Variants in PARD3B observed in about 807,000 individuals in gnomAD.
The protein encoded by PARD3B is par-3 family cell polarity regulator beta.
A neutral mutation model predicts 130.2 loss-of-function variants in PARD3B; 103 were observed. The observed-to-expected ratio is 0.79, with a 90% CI of 0.67 to 0.93. The LOEUF (loss-of-function observed/expected upper bound fraction) is 0.93. Among genes scored for constraint, PARD3B ranks in the 40% least tolerant of loss-of-function variants. The probability of loss-of-function intolerance (pLI) is 0.00; values close to 1 mark genes in which losing one functional copy is unlikely to be tolerated. For synonymous variants in PARD3B, 583 were observed against 553.2 expected (o/e 1.05, Z -0.76); for missense variants, 1,609 against 1,499.2 (o/e 1.07, Z -1.21).
At chr2:204,701,646 T>C (rs2037897133) in intron 2 of PARD3B, among the ~76,000 whole-genome samples, 1 of 152,224 alleles carries the variant, frequency 6.6e-6, no homozygotes, top group African/African-American at 2.4e-5. Flanking sequence ...ATTAATGCCG[T>C]AGAATTCTGG....
At chr2:204,760,109 T>C (rs1012204564) in intron 2 of PARD3B, among the ~76,000 whole-genome samples, 8 of 152,080 alleles carry the variant, frequency 5.3e-5, no homozygotes, top group Non-Finnish European at 1.0e-4. Context: ...ACAGGCATTA[T>C]ATGTTTTTTA....
chr2:204,564,204 G>A (rs1247075489), intron 1 of PARD3B, among the ~76,000 whole-genome samples: 1 of 152,138 alleles, frequency 6.6e-6, no homozygotes, highest in Non-Finnish European at 1.5e-5. Context: ...TGTCCCCCAC[G>A]TAGCTCAGTT....
chr2:205,378,659 G>A (rs1438126387), intron 18 of PARD3B, among the ~76,000 whole-genome samples: 2 of 145,610 alleles, frequency 1.4e-5, no homozygotes, highest in African/African-American at 5.2e-5. Context: ...TTGAGACAGA[G>A]TTTCACTCAG....
At chr2:205,037,609 T>C (rs1182170189) in intron 3 of PARD3B, among the ~76,000 whole-genome samples, 1 of 148,458 alleles carries the variant, frequency 6.7e-6, no homozygotes, top group East Asian at 1.9e-4. Context: ...ATATTTTATA[T>C]ATATTTTATA....
At chr2:204,713,304 T>C (rs771344460) in intron 2 of PARD3B, among the ~76,000 whole-genome samples, 32 of 151,942 alleles carry the variant, frequency 2.1e-4, no homozygotes, top group Non-Finnish European at 4.0e-4. Context: ...AGTGTGCCAG[T>C]GTGAATGTTC....
chr2:204,592,690 G>A (rs2033127416), intron 1 of PARD3B, among the ~76,000 whole-genome samples: 1 of 152,198 alleles, frequency 6.6e-6, no homozygotes, highest in East Asian at 1.9e-4. Flanking sequence ...TATATTCTCA[G>A]AGTATTTGCA....
chr2:205,257,619 C>A (rs532719046), intron 16 of PARD3B, among the ~76,000 whole-genome samples: 56 of 152,184 alleles, frequency 3.7e-4, no homozygotes, highest in African/African-American at 1.3e-3. Flanking sequence ...AATTAATGTA[C>A]ATTAGTAAAA....
At chr2:205,314,613 A>AAG (rs1370560290) in intron 18 of PARD3B, among the ~76,000 whole-genome samples, 9 of 152,234 alleles carry the variant, frequency 5.9e-5, no homozygotes, top group Non-Finnish European at 1.2e-4. Flanking sequence ...AAAAGCAGAT[A>AAG]AGAGATACAT....
chr2:205,238,140 G>A (rs2039152433), intron 15 of PARD3B, among the ~76,000 whole-genome samples: 1 of 152,164 alleles, frequency 6.6e-6, no homozygotes, highest in South Asian at 2.1e-4. Context: ...TACCTGAGCG[G>A]TGCTAGACGT....
intron 18 of PARD3B, among the ~76,000 whole-genome samples, chr2:205,398,737 CT>C (rs2046128232): frequency 6.6e-6 from 1 of 152,224 alleles, no homozygotes; most frequent in African/African-American, 2.4e-5. Context: ...ACATCCTCTA[CT>C]ATGGGTCAAA....
chr2:205,212,010 G>C (rs1358664719), intron 15 of PARD3B, among the ~76,000 whole-genome samples: 1 of 152,194 alleles, frequency 6.6e-6, no homozygotes. Flanking sequence ...AGTTCCATTA[G>C]AATTTTTTTA....
chr2:204,648,633 T>A (rs1344346336), intron 1 of PARD3B, among the ~76,000 whole-genome samples: 6 of 119,044 alleles, frequency 5.0e-5, no homozygotes, highest in African/African-American at 1.6e-4. Flanking sequence ...AATTTATATA[T>A]AATATATATT....
At chr2:204,869,190 G>A (rs1056608115) in intron 2 of PARD3B, among the ~76,000 whole-genome samples, 3 of 152,132 alleles carry the variant, frequency 2.0e-5, no homozygotes, top group African/African-American at 7.2e-5. Flanking sequence ...AGCCCTATTA[G>A]GGATGGGTCT....
chr2:204,616,102 T>G (rs973859449), intron 1 of PARD3B, among the ~76,000 whole-genome samples: 4 of 152,120 alleles, frequency 2.6e-5, no homozygotes, highest in African/African-American at 9.7e-5. Flanking sequence ...CACAGTACAT[T>G]AAAGAAATAA....
chr2:205,374,743 T>C (rs2044972519), intron 18 of PARD3B, among the ~76,000 whole-genome samples: 1 of 152,134 alleles, frequency 6.6e-6, no homozygotes, highest in Admixed American at 6.6e-5. Context: ...GTCTTTAGTA[T>C]GACAGAGTTT....
chr2:205,206,701 G>A (rs1295460710), intron 15 of PARD3B, among the ~76,000 whole-genome samples: 1 of 151,992 alleles, frequency 6.6e-6, no homozygotes, highest in Non-Finnish European at 1.5e-5. Context: ...CTTTATAGCA[G>A]CATGCTTTAT....
chr2:204,615,332 C>T (rs1237465030), intron 1 of PARD3B, among the ~76,000 whole-genome samples: 1 of 152,114 alleles, frequency 6.6e-6, no homozygotes, highest in Non-Finnish European at 1.5e-5. Context: ...ACATTAAAAT[C>T]CATTTGTCTG....
intron 2 of PARD3B, among the ~76,000 whole-genome samples, chr2:204,716,462 C>T (rs979250546): frequency 6.6e-6 from 1 of 151,850 alleles, no homozygotes; most frequent in Non-Finnish European, 1.5e-5. Context: ...GATTTTAATC[C>T]GTTAGACAAG....
At chr2:205,050,723 T>C (rs2125420918) in intron 4 of PARD3B, among the ~76,000 whole-genome samples, 1 of 152,176 alleles carries the variant, frequency 6.6e-6, no homozygotes, top group South Asian at 2.1e-4. Context: ...ACTTTTTTTT[T>C]TTTACATGGC....
Sources: gnomAD v4.1 joint callset for allele counts (sites outside exome capture counted in the v4.1 genomes callset) on GRCh38, gnomAD v4.1.1 for gene constraint, MANE v1.5 for transcripts, NCBI Gene and HGNC (gene_info 2026-07-23, HGNC 2026-07-21) for gene names.